NAV3: variants seen among roughly 807,000 people sequenced by gnomAD.
NAV3 encodes the protein pore membrane and/or filament interacting like protein 1.
A neutral mutation model predicts 244.7 loss-of-function variants in NAV3; 87 were observed. The ratio of observed to expected loss-of-function variants is 0.36; its 90% CI spans 0.30 to 0.42. The LOEUF (loss-of-function observed/expected upper bound fraction) is 0.42, where lower values mean the gene tolerates loss of function less well. NAV3 is among the 20% of genes least tolerant of loss of function. NAV3 has a pLI of 1.00. For missense variants in NAV3, 2,663 were observed against 2,893.3 expected (o/e 0.92, Z 1.83); for synonymous variants, 1,126 against 1,042.2 (o/e 1.08, Z -1.55).
chr12:77,593,889 T>C (rs1270367752), intron 2 of NAV3, among the ~76,000 whole-genome samples: 1 of 152,104 alleles, frequency 6.6e-6, no homozygotes, highest in Non-Finnish European at 1.5e-5. Context: ...TCAATATTTT[T>C]CTCTAAAGTC....
chr12:78,178,904 A>C (rs535803870), intron 28 of NAV3, among the ~76,000 whole-genome samples: 115 of 152,274 alleles, frequency 7.6e-4, no homozygotes, highest in African/African-American at 2.5e-3. Flanking sequence ...GCCCTCAGCT[A>C]GCCTGCTAAC....
In NAV3 at chr12:77,757,854, C is replaced by T. The variant is rs12229437; in HGVS notation, c.73-182465C>T. ...GAATCACCTGGCTCAGTGCTTGATGCATTATAAAGCCTTATGCAATTCATA... is the reference window on the plus strand; with the variant it reads ...GAATCACCTGGCTCAGTGCTTGATGTATTATAAAGCCTTATGCAATTCATA... On this transcript the variant is annotated intron_variant, in intron 2 of 8. Transcript: ENST00000550042. Among the ~76,000 whole-genome samples the T allele has an allele frequency of 2.0e-5, 3 of 152,308 alleles. No homozygotes were observed. In the East Asian group the frequency reaches 5.8e-4, roughly 29 times the overall value.
At chr12:77,786,394 A>C (rs1227523736) in intron 2 of NAV3, among the ~76,000 whole-genome samples, 1 of 151,896 alleles carries the variant, frequency 6.6e-6, no homozygotes, top group Non-Finnish European at 1.5e-5. Context: ...AATATTTTTC[A>C]TATGTCATTT....
chr12:77,777,950 T>C (rs894398412), intron 2 of NAV3, among the ~76,000 whole-genome samples: 1 of 151,890 alleles, frequency 6.6e-6, no homozygotes, highest in African/African-American at 2.4e-5. Context: ...GGACTACAGG[T>C]ACGCACCACA....
At chr12:77,999,788 C>T (rs1872925590) in intron 7 of NAV3, among the ~76,000 whole-genome samples, 1 of 150,114 alleles carries the variant, frequency 6.7e-6, no homozygotes, top group African/African-American at 2.4e-5. Context: ...GACAGTCGCT[C>T]ATCAGAAAAA....
At chr12:78,099,369 AT>A (rs916640890) in intron 12 of NAV3, among the ~76,000 whole-genome samples, 3 of 151,812 alleles carry the variant, frequency 2.0e-5, no homozygotes, top group Non-Finnish European at 4.4e-5. Flanking sequence ...AACTAGGTAA[AT>A]TTTTATGTGT....
chr12:77,820,697 A>AGT (rs372226078), intron 2 of NAV3, among the ~76,000 whole-genome samples: 2 of 152,012 alleles, frequency 1.3e-5, no homozygotes, highest in South Asian at 2.1e-4. Context: ...ACACTCTACC[A>AGT]GTGTGTGTGT....
At chr12:77,815,614 A>G (rs1872499221) in intron 2 of NAV3, among the ~76,000 whole-genome samples, 1 of 152,200 alleles carries the variant, frequency 6.6e-6, no homozygotes, top group Non-Finnish European at 1.5e-5. Flanking sequence ...GAAGCTTTTA[A>G]AATTACATCA....
chr12:78,148,807 T>C (rs777706379), intron 21 of NAV3, 35 bp from the exon 22 acceptor site: 2 of 1,565,748 alleles, frequency 1.3e-6, no homozygotes, highest in Non-Finnish European at 1.7e-6. Context: ...AAAAATCTAC[T>C]TGCCTATTCC....
chr12:77,693,395 T>C (rs891951985), intron 2 of NAV3, among the ~76,000 whole-genome samples: 22 of 151,932 alleles, frequency 1.4e-4, no homozygotes, highest in African/African-American at 5.3e-4. Flanking sequence ...TATTCTGCAC[T>C]GTATAATCCA....
At chr12:77,855,206 T>A (rs1878209650) in intron 1 of NAV3, among the ~76,000 whole-genome samples, 1 of 152,200 alleles carries the variant, frequency 6.6e-6, no homozygotes, top group Non-Finnish European at 1.5e-5. Flanking sequence ...GAATGATCTT[T>A]TAATCAACAT....
rs574149778 is a variant in NAV3 at position 78,114,719 on chromosome 12, C to T, written c.2637-2053C>T. Among the ~76,000 whole-genome samples the T allele has an allele frequency of 2.0e-5, 3 of 152,222 alleles. No homozygotes were observed. The East Asian group carries it at 5.8e-4, about 29-fold the overall frequency. Reference sequence around the variant, plus strand: ...GGGTGGGGACACAGCCAAACCATGTCAGTCATGATATGAGAAATTATCAAA... The same window carrying T: ...GGGTGGGGACACAGCCAAACCATGTTAGTCATGATATGAGAAATTATCAAA... On this transcript the variant is annotated intron_variant, in intron 12 of 39. Transcript: ENST00000397909.
At chr12:78,013,882 T>A (rs1218559107) in intron 8 of NAV3, among the ~76,000 whole-genome samples, 2 of 152,086 alleles carry the variant, frequency 1.3e-5, no homozygotes, top group Non-Finnish European at 2.9e-5. Context: ...TCTGTTTTTT[T>A]AAAACTCCTT....
chr12:77,610,990 C>T (rs1277295718), intron 2 of NAV3, among the ~76,000 whole-genome samples: 1 of 146,478 alleles, frequency 6.8e-6, no homozygotes, highest in African/African-American at 2.5e-5. Flanking sequence ...TGAAAACCTC[C>T]ATTAGAAAAA....
intron 1 of NAV3, among the ~76,000 whole-genome samples, chr12:77,939,180 T>C (rs905043301): frequency 6.6e-6 from 1 of 152,204 alleles, no homozygotes; most frequent in Admixed American, 6.5e-5. Context: ...TGTTCATAAC[T>C]ATAAAATGCA....
At position 78,148,932 on chromosome 12, in the gene NAV3, A is replaced by G. The variant is rs1341801374; in HGVS notation, c.4785+13A>G. On this transcript the variant is annotated intron_variant, in intron 22 of 39. Coordinates refer to ENST00000397909, the MANE Select transcript of NAV3 (RefSeq NM_001024383.2). ...GCTTTCAGCAAATGTAAGTCACTTC[A>G]TTTTTAAAATATATTACAACAAATT... 6.3e-7 allele frequency: 1 copy of G among 1,595,930 alleles called. No homozygotes were observed. The highest frequency in any genetic ancestry group is 1.1e-5 in the South Asian group (1 of 88,792).
At chr12:77,654,994 C>A (rs1002735569) in intron 2 of NAV3, among the ~76,000 whole-genome samples, 1 of 151,994 alleles carries the variant, frequency 6.6e-6, no homozygotes, top group Non-Finnish European at 1.5e-5. Context: ...GTAGATAAAA[C>A]CACAAAGATG....
chr12:78,097,666 T>A (rs1277387361), intron 12 of NAV3, among the ~76,000 whole-genome samples: 3 of 152,174 alleles, frequency 2.0e-5, no homozygotes, highest in East Asian at 3.9e-4. Context: ...ATTTTGTTTT[T>A]AATAATATTT....
At chr12:78,149,169 A>G (rs1386017796) in intron 22 of NAV3, among the ~76,000 whole-genome samples, 1 of 152,070 alleles carries the variant, frequency 6.6e-6, no homozygotes, top group Non-Finnish European at 1.5e-5. Context: ...TAACAGCCAT[A>G]TGGGTTACTT....
Sources: gnomAD v4.1 joint callset for allele counts (sites outside exome capture counted in the v4.1 genomes callset) on GRCh38, gnomAD v4.1.1 for gene constraint, MANE v1.5 for transcripts, NCBI Gene and HGNC (gene_info 2026-07-23, HGNC 2026-07-21) for gene names.